ULK3: variants seen among roughly 807,000 people sequenced by gnomAD.
ULK3 encodes serine/threonine-protein kinase ULK3.
ULK3 carries 54 observed loss-of-function variants against 69.4 expected under a neutral mutation model. That is an observed-to-expected ratio of 0.78 (90% CI 0.63 to 0.98). The LOEUF (loss-of-function observed/expected upper bound fraction) is 0.98. Among genes scored for constraint, ULK3 ranks in the 50% least tolerant of loss-of-function variants. The pLI is 0.00. For synonymous variants in ULK3, 240 were observed against 254.5 expected, an observed-to-expected ratio of 0.94 and a Z score of 0.54; for missense variants, 558 against 627.7, an observed-to-expected ratio of 0.89 and a Z score of 1.19.
At chr15:74,838,609 G>A (rs760976269) in intron 10 of ULK3, 34 bp downstream of exon 10, 1 of 1,593,866 alleles carries the variant, frequency 6.3e-7, no homozygotes, top group East Asian at 2.3e-5. Flanking sequence ...AGGTTTGCTG[G>A]GGGCCCTGGG....
intron 5 of ULK3, 61 bp downstream of exon 5, chr15:74,840,437 A>G: frequency 1.9e-6 from 3 of 1,572,580 alleles, no homozygotes; most frequent in Non-Finnish European, 2.6e-6. Flanking sequence ...AGTGGCCCAG[A>G]GAGGCCTTGC....
In ULK3 at chr15:74,841,623, C is replaced by T. The variant is rs2064254518; in HGVS notation, c.365-114G>A. On this transcript the variant is annotated intron_variant, in intron 3 of 15. Transcript: ENST00000440863. Reference sequence around the variant, plus strand: ...CTGCACAACCCCAGTTCCTGCCTGGCTGGTCTAATGTTTTCCATATAAGCA... The same window carrying T: ...CTGCACAACCCCAGTTCCTGCCTGGTTGGTCTAATGTTTTCCATATAAGCA... 11 of 861,182 alleles carry T rather than the reference C, an allele frequency of 1.3e-5. No individual in the cohort carries two copies. In the South Asian group the frequency reaches 1.8e-4, roughly 14 times the overall value. The allele number at this position is 861,182 out of a possible 1,614,324, so 53.3% of individuals were successfully genotyped here. A position where few individuals can be genotyped will look rare whatever the true frequency, so the allele number is the denominator to read the frequency against.
At chr15:74,839,418 C>A (rs1263202339) in intron 7 of ULK3, 45 bp from the exon 8 acceptor site, 2 of 1,548,126 alleles carry the variant, frequency 1.3e-6, no homozygotes, top group African/African-American at 2.7e-5. Flanking sequence ...CCCTACCCTC[C>A]CACACTCACC....
chr15:74,839,762 C>T (rs1276390448), intron 6 of ULK3, 49 bp from the exon 7 acceptor site: 2 of 1,475,618 alleles, frequency 1.4e-6, no homozygotes, highest in African/African-American at 1.4e-5. Flanking sequence ...CTCCTCCACC[C>T]CTACCCCTAG....
In ULK3 at chr15:74,842,646, C is replaced by G. The variant is rs1282873041; in HGVS notation, c.103-226G>C. 16 of 1,536,316 alleles carry G rather than the reference C, an allele frequency of 1.0e-5. No homozygotes were observed. Among genetic ancestry groups the G allele is most frequent in the Non-Finnish European group, 5.2e-6 (6 of 1,147,258 alleles). On this transcript the variant is annotated intron_variant, in intron 1 of 15. Coordinates refer to ENST00000440863, the MANE Select transcript of ULK3 (RefSeq NM_001099436.4). The surrounding 1 kb of genome is among the most constrained non-coding windows in gnomAD (Gnocchi z 4.9). ...AGCCTCAGCCTGGTCTTCTCCAACC[C>G]TCGGCTAGCTGATCCATTTCTTTGC... is the stretch of plus-strand genomic sequence containing the variant.
chr15:74,841,911 C>T (rs1371780456), intron 3 of ULK3, among the ~76,000 whole-genome samples, 164 bp downstream of exon 3: 5 of 152,206 alleles, frequency 3.3e-5, no homozygotes, highest in Admixed American at 2.0e-4. Flanking sequence ...CCACAGCGTC[C>T]TTGAGCAAGG....
At chr15:74,838,074 AC>A in intron 13 of ULK3, 77 bp downstream of exon 13, 2 of 1,531,910 alleles carry the variant, frequency 1.3e-6, no homozygotes, top group Non-Finnish European at 1.8e-6. Flanking sequence ...TCCAGAGGGA[AC>A]CCAAAGAGGT....
At chr15:74,838,240 TG>T in intron 12 of ULK3, 25 bp downstream of exon 12, 1 of 1,564,046 alleles carries the variant, frequency 6.4e-7, no homozygotes, top group Non-Finnish European at 8.7e-7. Context: ...AGAGGCCCTG[TG>T]GGGGGCATAA....
rs776506133 is a variant in ULK3 at position 74,842,084 on chromosome 15, G to A, written c.355C>T (p.Gln119Ter). The change falls in exon 3 of 16, where the codon CAG becomes TAG. Residue 119 changes from glutamine (Q) to a stop codon, truncating the protein, a stop_gained. Coordinates refer to ENST00000440863, the MANE Select transcript of ULK3 (RefSeq NM_001099436.4). LOFTEE classifies it high-confidence loss of function. This position sits in a 1 kb window ranked among gnomAD's most constrained non-coding sequence, Gnocchi z 4.9. ...LPEKVARVFM[Q>*]QLASALQFLH... Reference sequence around the variant, plus strand: ...TGTCACAGGCCTTTACCTAATTGCTGCATGAAGACACGCGCCACCTTCTCA... The same window carrying A: ...TGTCACAGGCCTTTACCTAATTGCTACATGAAGACACGCGCCACCTTCTCA... The A allele has an allele frequency of 6.2e-7, 1 of 1,613,810 alleles. No homozygotes were observed. The highest frequency in any genetic ancestry group is 1.1e-5 in the South Asian group (1 of 91,082).
rs950823099 is a variant in ULK3, at chr15:74,838,817, T to C, written c.1000-72A>G. 8.9e-6 allele frequency: 13 copies of C among 1,465,998 alleles called. No individual in the cohort carries two copies. In the Admixed American group the frequency reaches 2.6e-4, roughly 29 times the overall value. The allele number at this position is 1,465,998 out of a possible 1,614,324, so 90.8% of individuals were successfully genotyped here. A position where few individuals can be genotyped will look rare whatever the true frequency, so the allele number is the denominator to read the frequency against. On this transcript the variant is annotated intron_variant, in intron 9 of 15. Coordinates refer to ENST00000440863, the MANE Select transcript of ULK3 (RefSeq NM_001099436.4). ...CTTGCCAGAACCCACCTCCAAGTTC[T>C]CCCTTTGCATTGTTAGTGACTGCCT...
chr15:74,839,600 C>T lies in ULK3; in HGVS notation c.810G>A (p.Val270=). Residue 270 remains valine (V), a synonymous_variant, in exon 7 of 16, where the codon GTG becomes GTA. Transcript: ENST00000440863. The part of the protein sequence containing the change: ...SFQDFFAHPW[V]DLEHMPSGES... ...CCCCACTGGGCATGTGCTCCAGGTC[C>T]ACCCAGGGGTGCGCAAAAAAGTCCT... The T allele has an allele frequency of 1.9e-6, 3 of 1,563,696 alleles. No individual in the cohort carries two copies. The highest frequency in any genetic ancestry group is 2.6e-6 in the Non-Finnish European group (3 of 1,155,280).
At position 74,838,145 on chromosome 15, in the gene ULK3, T is replaced by G. The variant is rs1291751992; in HGVS notation, c.1287+7A>C. On this transcript the variant is annotated splice_region_variant and intron_variant, in intron 13 of 15. Transcript: ENST00000440863. ...AGCCCCCCAACCCTCTCAAGCTCAG[T>G]GGGCACCTCAGTGTGAAGCAGCTCC... 5 of 1,554,462 alleles carry G rather than the reference T, an allele frequency of 3.2e-6. No individual in the cohort carries two copies. In the East Asian group the frequency reaches 1.2e-4, roughly 38 times the overall value.
chr15:74,842,830 C>A lies in ULK3; in HGVS notation c.102+174G>T. On this transcript the variant is annotated intron_variant, in intron 1 of 15. Coordinates refer to ENST00000440863, the MANE Select transcript of ULK3 (RefSeq NM_001099436.4). The surrounding 1 kb of genome is among the most constrained non-coding windows in gnomAD (Gnocchi z 4.9). Reference sequence around the variant, plus strand: ...GACCCTGCAGGTGGGTGCAGGTGCGCTCTTTAAGACCTAAGCGTGGCAGTC... The same window carrying A: ...GACCCTGCAGGTGGGTGCAGGTGCGATCTTTAAGACCTAAGCGTGGCAGTC... The A allele has an allele frequency of 7.4e-7, 1 of 1,357,442 alleles. No homozygotes were observed. The highest frequency in any genetic ancestry group is 2.5e-5 in the East Asian group (1 of 39,596). The allele number at this position is 1,357,442 out of a possible 1,614,324, so 84.1% of individuals were successfully genotyped here.
chr15:74,841,380 C>T lies in ULK3; in HGVS notation c.469+25G>A. ...GGAGGCCTCTGCACTCTCCAAACCTCATCCCTGCTGTTTCAGACACAGACC... is the reference window on the plus strand; with the variant it reads ...GGAGGCCTCTGCACTCTCCAAACCTTATCCCTGCTGTTTCAGACACAGACC... On this transcript the variant is annotated intron_variant, in intron 4 of 15. Transcript: ENST00000440863. 3 of 1,603,012 alleles carry T rather than the reference C, an allele frequency of 1.9e-6. No individual in the cohort carries two copies. The South Asian group carries it at 3.3e-5, about 18-fold the overall frequency.
In ULK3 at chr15:74,836,215, G is replaced by C. The variant is rs1264107153; in HGVS notation, c.*1013C>G. 1.3e-5 allele frequency: 2 copies of C among 152,220 alleles called. No individual in the cohort carries two copies. The highest frequency in any genetic ancestry group is 2.9e-5 in the Non-Finnish European group (2 of 68,042). 9.4% of individuals were successfully genotyped at this position (152,220 alleles called of 1,614,324 possible). A position where few individuals can be genotyped will look rare whatever the true frequency, so the allele number is the denominator to read the frequency against. Reference sequence around the variant, plus strand: ...AGCTCTTGCCCAAGGAAGCATTTAAGGGCAGAAGGGCTACAAATCACCAAC... The same window carrying C: ...AGCTCTTGCCCAAGGAAGCATTTAACGGCAGAAGGGCTACAAATCACCAAC... On this transcript the variant is annotated 3_prime_UTR_variant, in exon 16 of 16. Transcript: ENST00000440863. The surrounding 1 kb of genome is among the most constrained non-coding windows in gnomAD (Gnocchi z 4.0).
chr15:74,841,203 C>A (rs754002182), intron 4 of ULK3, among the ~76,000 whole-genome samples: 2 of 152,202 alleles, frequency 1.3e-5, no homozygotes, highest in African/African-American at 2.4e-5. Context: ...TAACTCCACC[C>A]ATTATGCTGC....
intron 13 of ULK3, 85 bp from the exon 14 acceptor site, chr15:74,837,883 C>G (rs1383158629): frequency 7.3e-7 from 1 of 1,364,690 alleles, no homozygotes; most frequent in African/African-American, 1.4e-5. Context: ...ACCCCTGATG[C>G]TCTCCAGAAC....
In ULK3 at chr15:74,838,336, G is replaced by A. The variant is rs543123189; in HGVS notation, c.1176C>T (p.Ala392=). 2.9e-5 allele frequency: 45 copies of A among 1,568,524 alleles called. No homozygotes were observed. The highest frequency in any genetic ancestry group is 1.5e-4 in the African/African-American group (11 of 73,746). The change falls in exon 12 of 16, where the codon GCC becomes GCT. Residue 392 remains alanine, a synonymous_variant. Transcript: ENST00000440863. ...CCAGGGCATCCTGCTCCCCGCCGGC[G>A]GCCTCCTCCTGCAGCCACAAGGACA... ...VASAAMAKEE[A]AGGEQDALDL...
chr15:74,839,469 T>C, intron 7 of ULK3, 89 bp downstream of exon 7: 2 of 1,540,768 alleles, frequency 1.3e-6, no homozygotes, highest in East Asian at 4.9e-5. Context: ...CCTCTGTCTC[T>C]GTTGGGTGAG....
Sources: gnomAD v4.1 joint callset for allele counts (sites outside exome capture counted in the v4.1 genomes callset) on GRCh38, gnomAD v4.1.1 for gene constraint, Gnocchi (gnomAD v3.1) non-coding constraint, MANE v1.5 for transcripts, NCBI Gene and HGNC (gene_info 2026-07-23, HGNC 2026-07-21) for gene names.